Variants in DAB1 observed in about 807,000 individuals in gnomAD.
The protein encoded by DAB1 is disabled homolog 1.
A neutral mutation model predicts 64.6 loss-of-function variants in DAB1; 15 were observed. The ratio of observed to expected loss-of-function variants is 0.23; its 90% confidence interval spans 0.16 to 0.36. The LOEUF (loss-of-function observed/expected upper bound fraction) is 0.36, where lower values mean the gene tolerates loss of function less well. Ranked by LOEUF, DAB1 falls within the 10% of genes least tolerant of loss-of-function variation. The probability of loss-of-function intolerance (pLI) is 1.00; values close to 1 mark genes in which losing one functional copy is unlikely to be tolerated. For synonymous variants in DAB1, 235 were observed against 251.9 expected (o/e 0.93, Z 0.64); for missense variants, 596 against 706.7 (o/e 0.84, Z 1.78).
At chr1:58,313,444 G>A (rs1028703311) in intron 4 of DAB1, among the ~76,000 whole-genome samples, 2 of 152,072 alleles carry the variant, frequency 1.3e-5, no homozygotes, top group Non-Finnish European at 2.9e-5. Flanking sequence ...GGATGGCAGA[G>A]AACCAATCCT....
At chr1:57,105,774 T>G (rs1416145045) in intron 4 of DAB1, among the ~76,000 whole-genome samples, 1 of 152,180 alleles carries the variant, frequency 6.6e-6, no homozygotes, top group African/African-American at 2.4e-5. Context: ...CCTTAACGTT[T>G]TCTTCTTTTA....
At chr1:58,506,377 G>C (rs1404241473) in intron 2 of DAB1, among the ~76,000 whole-genome samples, 1 of 152,084 alleles carries the variant, frequency 6.6e-6, no homozygotes, top group African/African-American at 2.4e-5. Context: ...ATGTTGGTGT[G>C]CTGTACCCAT....
At chr1:57,932,743 T>C (rs539944480) in intron 5 of DAB1, among the ~76,000 whole-genome samples, 1 of 152,290 alleles carries the variant, frequency 6.6e-6, no homozygotes, top group African/African-American at 2.4e-5. Flanking sequence ...AGGCCCAAAA[T>C]TAACACATTG....
At chr1:57,675,854 C>T (rs1002577613) in intron 6 of DAB1, among the ~76,000 whole-genome samples, 14 of 152,108 alleles carry the variant, frequency 9.2e-5, no homozygotes, top group Admixed American at 3.3e-4. Context: ...AGGAATAAAG[C>T]TTTGTGCTTT....
chr1:58,081,396 TG>T (rs1198565108), intron 5 of DAB1, among the ~76,000 whole-genome samples: 1 of 152,232 alleles, frequency 6.6e-6, no homozygotes, highest in Non-Finnish European at 1.5e-5. Context: ...ATCTGTCATC[TG>T]GGGCTTCTTC....
intron 4 of DAB1, among the ~76,000 whole-genome samples, chr1:57,120,300 G>A (rs908913283): frequency 1.3e-5 from 2 of 152,004 alleles, no homozygotes; most frequent in African/African-American, 2.4e-5. Context: ...TTTATTCAAC[G>A]TAACTGTTGT....
intron 3 of DAB1, among the ~76,000 whole-genome samples, chr1:57,143,413 C>T (rs896326771): frequency 1.3e-5 from 2 of 151,988 alleles, no homozygotes; most frequent in African/African-American, 4.8e-5. Context: ...CATTGGACTA[C>T]CCTAAAATTG....
At chr1:57,070,944 T>C (rs757746572) in intron 7 of DAB1, 79 bp downstream of exon 7, 2 of 1,271,560 alleles carry the variant, frequency 1.6e-6, no homozygotes, top group Non-Finnish European at 2.3e-6. Context: ...CAGTGGATTC[T>C]TCAGGTTTCT....
At chr1:58,213,082 G>C (rs750855097) in intron 4 of DAB1, among the ~76,000 whole-genome samples, 30 of 152,154 alleles carry the variant, frequency 2.0e-4, no homozygotes, top group Non-Finnish European at 2.8e-4. Flanking sequence ...TTAAGGTAAG[G>C]ACTTGATGTT....
intron 4 of DAB1, among the ~76,000 whole-genome samples, chr1:58,219,792 C>G (rs1053064528): frequency 2.0e-5 from 3 of 152,220 alleles, no homozygotes; most frequent in Non-Finnish European, 4.4e-5. Flanking sequence ...ACCTCCATTG[C>G]ACACATCACA....
At chr1:57,426,767 C>G (rs1262879637), upstream of DAB1, among the ~76,000 whole-genome samples, 1 of 152,050 alleles carries the variant, frequency 6.6e-6, no homozygotes, top group African/African-American at 2.4e-5. Flanking sequence ...TCATCTTTAA[C>G]AAGTTACTTC....
chr1:57,722,357 G>A (rs1286471327), intron 6 of DAB1, among the ~76,000 whole-genome samples: 2 of 152,192 alleles, frequency 1.3e-5, no homozygotes, highest in Non-Finnish European at 2.9e-5. Flanking sequence ...CCTCTAAGGA[G>A]ACAGAAGACA....
intron 1 of DAB1, chr1:57,878,151 T>G (rs1644083444): frequency 7.1e-6 from 1 of 141,522 alleles, no homozygotes; most frequent in Non-Finnish European, 1.6e-5. Context: ...TATGTTTTAT[T>G]TAATGACTGC....
intron 9 of DAB1, among the ~76,000 whole-genome samples, chr1:57,030,826 A>G (rs969410009): frequency 1.3e-5 from 2 of 152,254 alleles, no homozygotes; most frequent in Non-Finnish European, 2.9e-5. Flanking sequence ...TTCCAAATTC[A>G]TAAAAGGAAT....
intron 4 of DAB1, among the ~76,000 whole-genome samples, chr1:58,200,569 T>A (rs1016771714): frequency 3.3e-5 from 5 of 152,196 alleles, no homozygotes; most frequent in African/African-American, 1.2e-4. Context: ...CAAGGCAGAA[T>A]GGTATGTGCC....
rs116033562 is a variant in DAB1, at chr1:57,051,064, C to T, written c.723+11820G>A. ...TTGGAGGAGAGGCGAAACCAAATAA[C>T]CTCTTTTTAATGTTGCTGTTAACTC... On this transcript the variant is annotated intron_variant, in intron 9 of 14. Coordinates refer to ENST00000371236, the MANE Select transcript of DAB1 (RefSeq NM_001365792.1). Among the ~76,000 whole-genome samples, 1,453 of 152,268 alleles carry T rather than the reference C, an allele frequency of 9.5e-3. 23 individuals carry two copies. Among genetic ancestry groups the T allele is most frequent in the African/African-American group, 0.034 (1,394 of 41,554 alleles).
chr1:57,980,787 TGTATTAAAA>T (rs2100340105), intron 5 of DAB1, among the ~76,000 whole-genome samples: 1 of 152,282 alleles, frequency 6.6e-6, no homozygotes, highest in African/African-American at 2.4e-5. Context: ...TTCGGCAGTA[TGTATTAAAA>T]GTCTGCAAAA....
chr1:57,476,440 C>T (rs1643940162), intron 7 of DAB1, among the ~76,000 whole-genome samples: 1 of 151,960 alleles, frequency 6.6e-6, no homozygotes, highest in Non-Finnish European at 1.5e-5. Flanking sequence ...GTAATCACCC[C>T]TTCTACTAAA....
At chr1:57,563,366 C>T (rs1416166813) in intron 7 of DAB1, among the ~76,000 whole-genome samples, 2 of 152,182 alleles carry the variant, frequency 1.3e-5, no homozygotes, top group Admixed American at 6.5e-5. Context: ...GCATGAGCGA[C>T]GCAGAAGACG....
Sources: allele counts gnomAD v4.1 joint callset (sites outside exome capture counted in the v4.1 genomes callset), GRCh38; gene constraint gnomAD v4.1.1; transcripts MANE v1.5; gene names NCBI Gene and HGNC (gene_info 2026-07-23, HGNC 2026-07-21).